CENPP: variants seen among roughly 807,000 people sequenced by gnomAD.
CENPP encodes the protein centromere protein P.
CENPP carries 24 observed loss-of-function variants against 35.6 expected under a neutral mutation model. That is an observed-to-expected ratio of 0.67 (90% CI 0.49 to 0.95). The LOEUF (loss-of-function observed/expected upper bound fraction) is 0.95, where lower values mean the gene tolerates loss of function less well. Among genes scored for constraint, CENPP ranks in the 40% least tolerant of loss-of-function variants. The probability of loss-of-function intolerance (pLI) is 0.00; values close to 1 mark genes in which losing one functional copy is unlikely to be tolerated. For synonymous variants in CENPP, 120 were observed against 125.5 expected, an observed-to-expected ratio of 0.96 and a Z score of 0.29; for missense variants, 332 against 345.3, an observed-to-expected ratio of 0.96 and a Z score of 0.31.
intron 5 of CENPP, among the ~76,000 whole-genome samples, chr9:92,537,489 G>A (rs764668636): frequency 2.0e-5 from 3 of 151,898 alleles, no homozygotes; most frequent in South Asian, 2.1e-4. Flanking sequence ...GTGAAACCCC[G>A]TCTCTACTAA....
rs1021372136 is a variant in CENPP at position 92,616,472 on chromosome 9, C to T, written c.*3323C>T. 6.2e-6 allele frequency: 1 copy of T among 161,024 alleles called. No homozygotes were observed. Among genetic ancestry groups the T allele is most frequent in the Non-Finnish European group, 1.4e-5 (1 of 73,320 alleles). 10.0% of individuals were successfully genotyped at this position (161,024 alleles called of 1,614,324 possible). On this transcript the variant is annotated 3_prime_UTR_variant, in exon 8 of 8. Coordinates refer to ENST00000375587, the MANE Select transcript of CENPP (RefSeq NM_001012267.3). ...TCACTTTATCATGAGCCAAGTATTA[C>T]AAAACCCAACAAAAAGTAAAAAGTA...
chr9:92,342,535 C>G (rs1841155199), intron 3 of CENPP, among the ~76,000 whole-genome samples: 1 of 152,032 alleles, frequency 6.6e-6, no homozygotes, highest in Non-Finnish European at 1.5e-5. Context: ...TGTGTTCTCC[C>G]TGGCTGTGTT....
chr9:92,370,974 T>C (rs1192252830), intron 4 of CENPP, among the ~76,000 whole-genome samples: 1 of 152,192 alleles, frequency 6.6e-6, no homozygotes, highest in Non-Finnish European at 1.5e-5. Context: ...TTCATTTAAA[T>C]TGTTTGGGTC....
intron 5 of CENPP, among the ~76,000 whole-genome samples, chr9:92,386,920 C>T (rs1428525806): frequency 6.6e-6 from 1 of 151,324 alleles, no homozygotes; most frequent in African/African-American, 2.4e-5. Context: ...TGGTGGTGGG[C>T]GCCTGTAGTC....
Position 92,526,911 on chromosome 9 carries a change from C to T in CENPP, c.565-84403C>T, listed in dbSNP as rs1274604906. On this transcript the variant is annotated intron_variant, in intron 5 of 7. Transcript: ENST00000375587. ...GGAGTGACTTCCAGTCTTCCAAGCT[C>T]CATTCATGGTAAGTACCCTAGATAG... 2.0e-5 allele frequency among the ~76,000 whole-genome samples: 3 copies of T among 152,162 alleles called. No individual in the cohort carries two copies. The East Asian group carries it at 5.8e-4, about 29-fold the overall frequency.
rs1460385975 is a variant in CENPP at position 92,501,675 on chromosome 9, C to T, written c.565-109639C>T. ...GCTTCTGCCCCACGCCCTCTTTTCA[C>T]CTGATGAAGACTTCTCTGCCTACAG... On this transcript the variant is annotated intron_variant, in intron 5 of 7. Transcript: ENST00000375587. 3.9e-5 allele frequency among the ~76,000 whole-genome samples: 6 copies of T among 152,190 alleles called. 1 individual carries two copies. Among genetic ancestry groups the T allele is most frequent in the African/African-American group, 1.4e-4 (6 of 41,440 alleles).
At position 92,544,949 on chromosome 9, in the gene CENPP, T is replaced by G. The variant is rs148341335; in HGVS notation, c.565-66365T>G. 3.2e-3 allele frequency among the ~76,000 whole-genome samples: 485 copies of G among 152,278 alleles called. 11 individuals carry two copies. The highest frequency in any genetic ancestry group is 0.029 in the Admixed American group (446 of 15,294). ...TTGGTCAGGCTGGTCTCAAAACTCC[T>G]GACCTCAGGTGATCCACCCGCCTCA... On this transcript the variant is annotated intron_variant, in intron 5 of 7. Coordinates refer to ENST00000375587, the MANE Select transcript of CENPP (RefSeq NM_001012267.3).
At chr9:92,356,541 G>A (rs547888429) in intron 4 of CENPP, among the ~76,000 whole-genome samples, 6 of 152,242 alleles carry the variant, frequency 3.9e-5, no homozygotes, top group East Asian at 1.9e-4. Flanking sequence ...CTGAGGTGTC[G>A]TACATCCTCA....
At chr9:92,417,212 T>A in intron 5 of CENPP, 2 of 1,613,410 alleles carry the variant, frequency 1.2e-6, no homozygotes, top group Non-Finnish European at 1.7e-6. Flanking sequence ...TTCTTTAAGA[T>A]GAGTTGCATT....
At chr9:92,498,611 A>C (rs1458273569) in intron 5 of CENPP, among the ~76,000 whole-genome samples, 1 of 152,170 alleles carries the variant, frequency 6.6e-6, no homozygotes, top group Non-Finnish European at 1.5e-5. Flanking sequence ...AAATAAACTA[A>C]ATAACATGTC....
At chr9:92,598,182 G>C (rs1850825646) in intron 5 of CENPP, among the ~76,000 whole-genome samples, 1 of 152,168 alleles carries the variant, frequency 6.6e-6, no homozygotes, top group African/African-American at 2.4e-5. Context: ...TGGGGGTGTG[G>C]GTTTTGTGAG....
chr9:92,352,333 G>A (rs1841469667), intron 4 of CENPP, among the ~76,000 whole-genome samples: 1 of 150,180 alleles, frequency 6.7e-6, no homozygotes, highest in South Asian at 2.1e-4. Flanking sequence ...TTGTGCCACT[G>A]CACTCCTCTG....
Position 92,453,305 on chromosome 9 carries a change from G to A in CENPP, c.564+73446G>A, listed in dbSNP as rs547055006. Among the ~76,000 whole-genome samples, 75 of 152,196 alleles carry A rather than the reference G, an allele frequency of 4.9e-4. No homozygotes were observed. In the South Asian group the frequency reaches 0.014, roughly 28 times the overall value. The stretch of plus-strand genomic sequence containing the variant: ...AGGGATTCTGGTATGTTGTGTCTTT[G>A]TTCTCATTGGTTTCAAAGAACATCT... On this transcript the variant is annotated intron_variant, in intron 5 of 7. Coordinates refer to ENST00000375587, the MANE Select transcript of CENPP (RefSeq NM_001012267.3).
At chr9:92,488,757 GT>G (rs1181631475) in intron 5 of CENPP, among the ~76,000 whole-genome samples, 1 of 152,212 alleles carries the variant, frequency 6.6e-6, no homozygotes, top group African/African-American at 2.4e-5. Context: ...TCAATTGATA[GT>G]TTAATGTAAG....
chr9:92,460,737 C>T (rs1022854164), intron 5 of CENPP, among the ~76,000 whole-genome samples: 1 of 152,072 alleles, frequency 6.6e-6, no homozygotes, highest in Non-Finnish European at 1.5e-5. Context: ...AGTGCAGTGC[C>T]GTGATATCAG....
intron 5 of CENPP, among the ~76,000 whole-genome samples, chr9:92,561,911 A>G (rs1005243062): frequency 1.3e-5 from 2 of 152,242 alleles, no homozygotes; most frequent in African/African-American, 2.4e-5. Context: ...GATGTGTGCT[A>G]TTATCCTCCA....
chr9:92,452,741 G>T (rs1844750820), intron 5 of CENPP, among the ~76,000 whole-genome samples: 2 of 152,032 alleles, frequency 1.3e-5, no homozygotes, highest in East Asian at 1.9e-4. Flanking sequence ...GACTCTTTTT[G>T]GTTGGTAAGC....
intron 5 of CENPP, among the ~76,000 whole-genome samples, chr9:92,554,912 A>G (rs1849689011): frequency 1.3e-5 from 2 of 152,160 alleles, no homozygotes. Flanking sequence ...CTGAGATTAC[A>G]GGCATGAGCC....
chr9:92,494,061 T>G, intron 5 of CENPP: 1 of 1,595,798 alleles, frequency 6.3e-7, no homozygotes, highest in Non-Finnish European at 8.5e-7. Flanking sequence ...TACTTGTCTG[T>G]TTGATTTCCT....
Sources: allele counts gnomAD v4.1 joint callset (sites outside exome capture counted in the v4.1 genomes callset), GRCh38; gene constraint gnomAD v4.1.1; transcripts MANE v1.5; gene names NCBI Gene and HGNC (gene_info 2026-07-23, HGNC 2026-07-21).